DGLUCY: variants seen among roughly 807,000 people sequenced by gnomAD.
The protein encoded by DGLUCY is D-glutamate cyclase.
A neutral mutation model predicts 58.5 loss-of-function variants in DGLUCY; 58 were observed. That is an observed-to-expected ratio of 0.99 (90% CI 0.80 to 1.23). The LOEUF is 1.23. Among genes scored for constraint, DGLUCY ranks in the 50% most tolerant of loss-of-function variants. DGLUCY has a pLI of 0.00. For synonymous variants in DGLUCY, 325 were observed against 314.1 expected (o/e 1.03, Z -0.37); for missense variants, 779 against 784.7 (o/e 0.99, Z 0.09).
intron 9 of DGLUCY, among the ~76,000 whole-genome samples, chr14:91,196,091 C>T (rs889209605): frequency 6.6e-6 from 1 of 152,268 alleles, no homozygotes; most frequent in African/African-American, 2.4e-5. Context: ...CAGAACAGGC[C>T]GCTGTTCCCA....
At chr14:91,178,004 T>C (rs1487436106) in intron 7 of DGLUCY, among the ~76,000 whole-genome samples, 1 of 152,240 alleles carries the variant, frequency 6.6e-6, no homozygotes, top group Non-Finnish European at 1.5e-5. Flanking sequence ...CCTCACCGCT[T>C]TCCCACCATC....
At chr14:91,092,021 T>C (rs2044320251) in intron 1 of DGLUCY, among the ~76,000 whole-genome samples, 1 of 152,086 alleles carries the variant, frequency 6.6e-6, no homozygotes, top group Non-Finnish European at 1.5e-5. Context: ...CAGGCCAATA[T>C]CTATACTCTA....
At chr14:91,061,517 C>G (rs1054136549) in intron 1 of DGLUCY, among the ~76,000 whole-genome samples, 4 of 152,110 alleles carry the variant, frequency 2.6e-5, no homozygotes, top group Non-Finnish European at 5.9e-5. Context: ...TCGTACAAAG[C>G]GTTAGAGAAT....
rs746351682 is a variant in DGLUCY, at chr14:91,168,905, G to A, written c.258-1098G>A. Among the ~76,000 whole-genome samples, 9 of 152,106 alleles carry A rather than the reference G, an allele frequency of 5.9e-5. 1 individual carries two copies. Among genetic ancestry groups the A allele is most frequent in the African/African-American group, 2.4e-5 (1 of 41,418 alleles). On this transcript the variant is annotated intron_variant, in intron 4 of 13. Coordinates refer to ENST00000256324, the MANE Select transcript of DGLUCY (RefSeq NM_001102368.3). ...AATTCGAGACCAGCCTGGCCAACGC[G>A]GTGAAACGCTGTCTCTACTAAAAAT... is the stretch of plus-strand genomic sequence containing the variant.
intron 1 of DGLUCY, among the ~76,000 whole-genome samples, chr14:91,076,280 T>G (rs2140037910): frequency 6.6e-6 from 1 of 152,320 alleles, no homozygotes; most frequent in African/African-American, 2.4e-5. Context: ...TCGTAGCATC[T>G]GTAGATGCTC....
intron 8 of DGLUCY, 69 bp downstream of exon 8, chr14:91,181,458 C>T: frequency 2.7e-6 from 4 of 1,492,598 alleles, no homozygotes; most frequent in Non-Finnish European, 3.7e-6. Context: ...TGGAGAAAAT[C>T]ACCTTTTCAG....
At chr14:91,133,677 C>A (rs2046165361) in intron 1 of DGLUCY, among the ~76,000 whole-genome samples, 1 of 152,168 alleles carries the variant, frequency 6.6e-6, no homozygotes, top group African/African-American at 2.4e-5. Context: ...GCATGAGCCA[C>A]CGCCTGTAGC....
chr14:91,107,057 T>A (rs1165711494), upstream of DGLUCY, among the ~76,000 whole-genome samples: 1 of 152,184 alleles, frequency 6.6e-6, no homozygotes, highest in Non-Finnish European at 1.5e-5. Flanking sequence ...GAAATGAGGA[T>A]GCTAGGAGAT....
chr14:91,125,939 C>T (rs1245299712), intron 1 of DGLUCY, among the ~76,000 whole-genome samples: 1 of 152,124 alleles, frequency 6.6e-6, no homozygotes, highest in Non-Finnish European at 1.5e-5. Flanking sequence ...CTCTAAAAAA[C>T]AAAACAAAAC....
intron 1 of DGLUCY, among the ~76,000 whole-genome samples, chr14:91,071,472 G>C (rs1481465121): frequency 1.3e-5 from 2 of 151,086 alleles, no homozygotes; most frequent in Admixed American, 6.6e-5. Flanking sequence ...TCAAAATAAA[G>C]AAATCAAGGA....
chr14:91,193,844 A>G (rs1039861745), intron 9 of DGLUCY, among the ~76,000 whole-genome samples: 22 of 87,704 alleles, frequency 2.5e-4, no homozygotes, highest in African/African-American at 4.1e-4. Flanking sequence ...TCCATCTTAG[A>G]AAAAAAAAAA....
intron 9 of DGLUCY, among the ~76,000 whole-genome samples, chr14:91,192,559 C>T (rs1049487010): frequency 3.9e-5 from 6 of 152,126 alleles, no homozygotes; most frequent in African/African-American, 1.4e-4. Context: ...CGCTTGAGGT[C>T]AGGAGTTCAA....
At chr14:91,175,218 G>A (rs937971371) in intron 6 of DGLUCY, among the ~76,000 whole-genome samples, 3 of 152,022 alleles carry the variant, frequency 2.0e-5, no homozygotes, top group Non-Finnish European at 2.9e-5. Context: ...GATCCCCAGC[G>A]TATTCACTCA....
intron 13 of DGLUCY, chr14:91,215,840 TG>T (rs1462333500): frequency 9.5e-7 from 1 of 1,054,634 alleles, no homozygotes; most frequent in African/African-American, 1.6e-5. Context: ...ATCTGTAAAA[TG>T]GGGGTGGTCA....
intron 7 of DGLUCY, among the ~76,000 whole-genome samples, chr14:91,178,270 A>G (rs1234959431): frequency 2.0e-5 from 3 of 152,060 alleles, no homozygotes; most frequent in Non-Finnish European, 4.4e-5. Context: ...GGCTCAAGCA[A>G]TCCTCCCACC....
upstream of DGLUCY, among the ~76,000 whole-genome samples, chr14:91,110,344 G>A (rs1227799344): frequency 6.6e-6 from 1 of 152,028 alleles, no homozygotes; most frequent in East Asian, 1.9e-4. Context: ...AAAAGGAAAA[G>A]CTAGGGCATG....
chr14:91,133,785 G>A (rs552250692), intron 1 of DGLUCY, among the ~76,000 whole-genome samples: 94 of 152,234 alleles, frequency 6.2e-4, no homozygotes, highest in African/African-American at 2.1e-3. Context: ...CAGTTACTCC[G>A]TGTCCTCACC....
chr14:91,071,955 G>T (rs1358330518), intron 1 of DGLUCY, among the ~76,000 whole-genome samples: 1 of 151,928 alleles, frequency 6.6e-6, no homozygotes, highest in Admixed American at 6.6e-5. Context: ...GGAAGTGAGG[G>T]GAAAGGGCAG....
chr14:91,068,077 A>ACGCGCACG (rs527668243), intron 1 of DGLUCY, among the ~76,000 whole-genome samples: 2 of 84,554 alleles, frequency 2.4e-5, no homozygotes, highest in Non-Finnish European at 4.8e-5. Context: ...ACACACGCGC[A>ACGCGCACG]CGCACACACA....
Sources: allele counts gnomAD v4.1 joint callset (sites outside exome capture counted in the v4.1 genomes callset), GRCh38; gene constraint gnomAD v4.1.1; transcripts MANE v1.5; gene names NCBI Gene and HGNC (gene_info 2026-07-23, HGNC 2026-07-21).